The following CNTNAP2 variants were observed in gnomAD, a reference collection of about 807,000 sequenced individuals.
CNTNAP2 encodes contactin associated protein 2.
Under a neutral mutation model 155.2 loss-of-function variants are expected in CNTNAP2, and 98 were observed. That is an observed-to-expected ratio of 0.63 (90% CI 0.54 to 0.75). The LOEUF is 0.75. Among genes scored for constraint, CNTNAP2 ranks in the 30% least tolerant of loss-of-function variants. The pLI is 0.00. For synonymous variants in CNTNAP2, 651 were observed against 631.2 expected, an observed-to-expected ratio of 1.03 and a Z score of -0.47; for missense variants, 1,727 against 1,688.1, an observed-to-expected ratio of 1.02 and a Z score of -0.40.
intron 1 of CNTNAP2, among the ~76,000 whole-genome samples, chr7:146,471,286 G>A (rs763266901): frequency 4.6e-5 from 7 of 152,184 alleles, no homozygotes; most frequent in Non-Finnish European, 1.0e-4. Flanking sequence ...CAACATAGAA[G>A]TCACTTCCTT....
chr7:147,051,859 A>G (rs148407111), intron 4 of CNTNAP2, among the ~76,000 whole-genome samples: 39 of 152,254 alleles, frequency 2.6e-4, no homozygotes, highest in Middle Eastern at 6.8e-3. Context: ...TGGGCTGACT[A>G]CACGTTAATG....
intron 10 of CNTNAP2, among the ~76,000 whole-genome samples, chr7:147,424,571 T>C (rs531636097): frequency 8.4e-4 from 128 of 152,236 alleles, no homozygotes; most frequent in African/African-American, 3.0e-3. Context: ...CTTGGACTTA[T>C]ACTGCTTCCT....
chr7:148,023,365 G>T (rs1563170814), intron 15 of CNTNAP2, among the ~76,000 whole-genome samples: 1 of 152,164 alleles, frequency 6.6e-6, no homozygotes, highest in Non-Finnish European at 1.5e-5. Context: ...AGTGATTAAT[G>T]ATACAGTTTA....
intron 1 of CNTNAP2, among the ~76,000 whole-genome samples, chr7:146,498,048 G>A (rs146577526): frequency 5.9e-5 from 9 of 152,142 alleles, no homozygotes; most frequent in African/African-American, 2.2e-4. Flanking sequence ...AGAAGTTAAA[G>A]GTACAAAGTA....
intron 7 of CNTNAP2, among the ~76,000 whole-genome samples, chr7:147,129,714 T>C (rs1801313928): frequency 6.6e-6 from 1 of 152,124 alleles, no homozygotes; most frequent in Non-Finnish European, 1.5e-5. Context: ...TCTCGTTGCC[T>C]CAAATTTGAG....
At chr7:146,363,792 T>G (rs971938631) in intron 1 of CNTNAP2, among the ~76,000 whole-genome samples, 1 of 152,144 alleles carries the variant, frequency 6.6e-6, no homozygotes, top group Admixed American at 6.5e-5. Context: ...GCAGCTCTTT[T>G]GAATTTGGTG....
intron 1 of CNTNAP2, among the ~76,000 whole-genome samples, chr7:146,372,995 G>A (rs943614441): frequency 8.5e-5 from 13 of 152,128 alleles, no homozygotes; most frequent in Non-Finnish European, 1.6e-4. Context: ...GAGCTCTGGA[G>A]AAAGGCATGT....
Position 146,937,357 on chromosome 7 carries a change from A to T in CNTNAP2, c.402+97453A>T, listed in dbSNP as rs865781134. 2.0e-4 allele frequency among the ~76,000 whole-genome samples: 27 copies of T among 135,996 alleles called. 1 individual carries two copies. The highest frequency in any genetic ancestry group is 9.9e-4 in the Admixed American group (14 of 14,106). The allele number at this position is 135,996 out of a possible 152,430, so 89.2% of individuals were successfully genotyped here. On this transcript the variant is annotated intron_variant, in intron 3 of 23. Transcript: ENST00000361727. The stretch of plus-strand genomic sequence containing the variant: ...CAGGGTGAGACTCTTGTCTCAAAAA[A>T]AAAAATAAAAATAAAATAAAATAAA...
chr7:146,656,547 C>A (rs1799998441), intron 1 of CNTNAP2, among the ~76,000 whole-genome samples: 2 of 152,058 alleles, frequency 1.3e-5, no homozygotes. Context: ...TTTGTCTTTC[C>A]CCAGGCTGGA....
At chr7:147,671,048 G>A (rs376686853) in intron 13 of CNTNAP2, among the ~76,000 whole-genome samples, 12 of 152,176 alleles carry the variant, frequency 7.9e-5, no homozygotes, top group African/African-American at 2.9e-4. Context: ...ACTGGCTCTC[G>A]GCTCCTGCCT....
chr7:147,334,453 A>G (rs879464959), intron 9 of CNTNAP2, among the ~76,000 whole-genome samples: 16 of 152,168 alleles, frequency 1.1e-4, no homozygotes, highest in African/African-American at 3.9e-4. Flanking sequence ...ATCATCTCTA[A>G]TAACAACAAT....
chr7:147,095,730 A>T (rs1439658398), intron 4 of CNTNAP2, among the ~76,000 whole-genome samples: 3 of 152,098 alleles, frequency 2.0e-5, no homozygotes, highest in Non-Finnish European at 4.4e-5. Context: ...AGGCAGAAAA[A>T]CAATTTCCAT....
At chr7:147,289,249 A>G (rs1023665271) in intron 8 of CNTNAP2, among the ~76,000 whole-genome samples, 1 of 152,124 alleles carries the variant, frequency 6.6e-6, no homozygotes, top group Admixed American at 6.5e-5. Flanking sequence ...TATGATACCC[A>G]GACTTAACGG....
intron 3 of CNTNAP2, among the ~76,000 whole-genome samples, chr7:146,974,677 C>A (rs763589691): frequency 1.3e-5 from 2 of 152,034 alleles, no homozygotes; most frequent in Non-Finnish European, 2.9e-5. Flanking sequence ...ATTTAAATTG[C>A]AAAATAAAAG....
intron 14 of CNTNAP2, among the ~76,000 whole-genome samples, chr7:147,950,164 A>G (rs1289060300): frequency 6.6e-6 from 1 of 151,994 alleles, no homozygotes; most frequent in Non-Finnish European, 1.5e-5. Flanking sequence ...ACTACCAAGT[A>G]TAGTAAGGGA....
intron 1 of CNTNAP2, among the ~76,000 whole-genome samples, chr7:146,447,072 G>C (rs1430689763): frequency 2.6e-5 from 4 of 151,898 alleles, no homozygotes; most frequent in African/African-American, 4.8e-5. Context: ...GAAGGCACTG[G>C]TCAGCTTGCC....
At chr7:146,964,481 G>A (rs1797617685) in intron 3 of CNTNAP2, among the ~76,000 whole-genome samples, 1 of 152,150 alleles carries the variant, frequency 6.6e-6, no homozygotes, top group African/African-American at 2.4e-5. Flanking sequence ...AGATCAATTT[G>A]TTAGCTGCAG....
intron 21 of CNTNAP2, among the ~76,000 whole-genome samples, chr7:148,344,079 T>C (rs1443667213): frequency 6.6e-6 from 1 of 152,238 alleles, no homozygotes; most frequent in African/African-American, 2.4e-5. Context: ...GCAAACCTTA[T>C]GAAACTTTGT....
chr7:147,607,712 T>C (rs576694750), intron 12 of CNTNAP2, among the ~76,000 whole-genome samples: 1 of 152,312 alleles, frequency 6.6e-6, no homozygotes, highest in East Asian at 1.9e-4. Flanking sequence ...TTTTCAATTG[T>C]ATATTTTCTG....
Sources: gnomAD v4.1 joint callset for allele counts (sites outside exome capture counted in the v4.1 genomes callset) on GRCh38, gnomAD v4.1.1 for gene constraint, MANE v1.5 for transcripts, NCBI Gene and HGNC (gene_info 2026-07-23, HGNC 2026-07-21) for gene names.